Variants in DNAI7 observed in about 807,000 individuals in gnomAD.
DNAI7 encodes dynein axonemal intermediate chain 7, also known as cancer susceptibility 1.
In DNAI7, 78 loss-of-function variants were observed where a neutral mutation model predicts 86.6. The ratio of observed to expected loss-of-function variants is 0.90; its 90% CI spans 0.75 to 1.09. The LOEUF (loss-of-function observed/expected upper bound fraction) is 1.09. Ranked by LOEUF, DNAI7 falls within the 50% of genes least tolerant of loss-of-function variation. The pLI is 0.00. For missense variants in DNAI7, 753 were observed against 810.2 expected (o/e 0.93, Z 0.86); for synonymous variants, 274 against 273.0 (o/e 1.00, Z -0.04).
At chr12:25,184,592 T>C (rs1949855518) in intron 2 of DNAI7, among the ~76,000 whole-genome samples, 1 of 152,234 alleles carries the variant, frequency 6.6e-6, no homozygotes, top group Non-Finnish European at 1.5e-5. Context: ...TGTTTTTTAT[T>C]ATGGTTTTTG....
chr12:25,190,565 C>T (rs775482192), intron 2 of DNAI7, 49 bp downstream of exon 2: 1 of 801,356 alleles, frequency 1.2e-6, no homozygotes, highest in Non-Finnish European at 2.0e-6. Flanking sequence ...TCTGTTCATA[C>T]ACTGTAAGTG....
chr12:25,125,045 G>A (rs1369609064), intron 9 of DNAI7, among the ~76,000 whole-genome samples: 1 of 152,142 alleles, frequency 6.6e-6, no homozygotes, highest in Non-Finnish European at 1.5e-5. Flanking sequence ...TTGATTCCAT[G>A]TCTCTGCTAT....
intron 2 of DNAI7, among the ~76,000 whole-genome samples, chr12:25,186,015 G>A (rs892060623): frequency 9.9e-5 from 15 of 152,090 alleles, no homozygotes; most frequent in Non-Finnish European, 2.2e-4. Context: ...TTCATTGGAA[G>A]AAAAGTCATA....
intron 2 of DNAI7, among the ~76,000 whole-genome samples, chr12:25,174,027 T>C (rs1413131505): frequency 2.0e-5 from 3 of 148,782 alleles, no homozygotes; most frequent in African/African-American, 7.4e-5. Context: ...ACATATCTCA[T>C]ATATTTATGG....
At chr12:25,113,538 G>A (rs1400197737) in intron 13 of DNAI7, among the ~76,000 whole-genome samples, 1 of 152,042 alleles carries the variant, frequency 6.6e-6, no homozygotes, top group Non-Finnish European at 1.5e-5. Context: ...CTGACCTCAC[G>A]ATCCACCCAC....
chr12:25,117,078 C>A (rs574542213), intron 12 of DNAI7, among the ~76,000 whole-genome samples: 1 of 151,912 alleles, frequency 6.6e-6, no homozygotes, highest in Non-Finnish European at 1.5e-5. Context: ...GGACTACAGG[C>A]ATATGCCACC....
intron 9 of DNAI7, among the ~76,000 whole-genome samples, chr12:25,136,135 C>T (rs974937011): frequency 2.0e-5 from 3 of 152,170 alleles, no homozygotes; most frequent in Admixed American, 2.0e-4. Flanking sequence ...AAAACTACAA[C>T]CAAGAACCCT....
At chr12:25,167,937 C>T (rs1409353177) in intron 2 of DNAI7, among the ~76,000 whole-genome samples, 4 of 152,180 alleles carry the variant, frequency 2.6e-5, no homozygotes, top group African/African-American at 9.7e-5. Context: ...TTCACCTTCT[C>T]GATGTTCCTT....
At chr12:25,151,321 A>C (rs1945513100) in intron 6 of DNAI7, among the ~76,000 whole-genome samples, 1 of 152,216 alleles carries the variant, frequency 6.6e-6, no homozygotes, top group East Asian at 1.9e-4. Flanking sequence ...GCACTATATA[A>C]GAGTTTATTA....
chr12:25,108,108 C>G (rs963435391), downstream of DNAI7: 2 of 1,585,674 alleles, frequency 1.3e-6, no homozygotes, highest in African/African-American at 2.7e-5. Context: ...GTTTCAGTAT[C>G]TGAACTTCGT....
intron 2 of DNAI7, among the ~76,000 whole-genome samples, chr12:25,182,796 C>T (rs1375432227): frequency 6.8e-6 from 1 of 147,090 alleles, no homozygotes; most frequent in Non-Finnish European, 1.5e-5. Flanking sequence ...TGGTGGCACA[C>T]GTCTGTGGTC....
At chr12:25,134,027 C>G (rs916988986) in intron 9 of DNAI7, among the ~76,000 whole-genome samples, 1 of 152,168 alleles carries the variant, frequency 6.6e-6, no homozygotes, top group Admixed American at 6.5e-5. Flanking sequence ...CAGGGTCCCG[C>G]TCTCTTGCCT....
At chr12:25,168,108 C>T (rs550174174) in intron 2 of DNAI7, among the ~76,000 whole-genome samples, 19 of 152,316 alleles carry the variant, frequency 1.2e-4, no homozygotes, top group African/African-American at 3.6e-4. Context: ...CAACCTCTGA[C>T]GGCTGCCGCC....
At chr12:25,185,002 C>A (rs1383041788) in intron 2 of DNAI7, among the ~76,000 whole-genome samples, 1 of 151,426 alleles carries the variant, frequency 6.6e-6, no homozygotes, top group Non-Finnish European at 1.5e-5. Flanking sequence ...AAGAAATTCC[C>A]AGGCATGGTA....
intron 9 of DNAI7, among the ~76,000 whole-genome samples, chr12:25,129,205 C>T (rs150617043): frequency 6.6e-6 from 1 of 152,270 alleles, no homozygotes; most frequent in East Asian, 1.9e-4. Context: ...CCCTAACTAC[C>T]CAATGTAAAG....
chr12:25,132,181 C>A (rs1323768747), intron 9 of DNAI7, among the ~76,000 whole-genome samples: 1 of 151,982 alleles, frequency 6.6e-6, no homozygotes, highest in African/African-American at 2.4e-5. Flanking sequence ...GAAAGTATTG[C>A]GTGTTCAGTA....
At chr12:25,157,135 A>G (rs774962171) in intron 4 of DNAI7, among the ~76,000 whole-genome samples, 1 of 151,664 alleles carries the variant, frequency 6.6e-6, no homozygotes, top group Non-Finnish European at 1.5e-5. Flanking sequence ...AACATTAGCC[A>G]GGCGCAGTGG....
At chr12:25,138,755 GA>G (rs1943835797) in intron 9 of DNAI7, among the ~76,000 whole-genome samples, 1 of 151,512 alleles carries the variant, frequency 6.6e-6, no homozygotes, top group Admixed American at 6.6e-5. Context: ...CAAAAACTCT[GA>G]AAGAGCACAA....
At chr12:25,179,043 C>T (rs146408028) in intron 2 of DNAI7, among the ~76,000 whole-genome samples, 9 of 152,136 alleles carry the variant, frequency 5.9e-5, no homozygotes, top group African/African-American at 2.2e-4. Context: ...ATATTTCCCT[C>T]TAAGTATTGC....
Sources: gnomAD v4.1 joint callset for allele counts (sites outside exome capture counted in the v4.1 genomes callset) on GRCh38, gnomAD v4.1.1 for gene constraint, MANE v1.5 for transcripts, NCBI Gene and HGNC (gene_info 2026-07-23, HGNC 2026-07-21) for gene names.